PITPNM3: variants seen among roughly 807,000 people sequenced by gnomAD.
The protein encoded by PITPNM3 is PITPNM family member 3.
PITPNM3 carries 26 observed loss-of-function variants against 102.0 expected under a neutral mutation model. That is an observed-to-expected ratio of 0.25 (90% confidence interval 0.19 to 0.35). PITPNM3 has a LOEUF of 0.35. PITPNM3 is among the 10% of genes least tolerant of loss of function. The pLI is 1.00. For missense variants in PITPNM3, 1,083 were observed against 1,346.1 expected, an observed-to-expected ratio of 0.80 and a Z score of 3.06; for synonymous variants, 578 against 558.6, an observed-to-expected ratio of 1.03 and a Z score of -0.49.
At chr17:6,464,591 G>C (rs1206665408) in intron 15 of PITPNM3, 64 bp downstream of exon 15, 3 of 1,489,870 alleles carry the variant, frequency 2.0e-6, no homozygotes, top group Non-Finnish European at 2.8e-6. Context: ...CACACGCTAT[G>C]TGGCTCCATG....
At position 6,468,104 on chromosome 17, in the gene PITPNM3, G is replaced by A; in HGVS notation, c.1890+121C>T. 2.1e-6 allele frequency: 2 copies of A among 944,586 alleles called. No individual in the cohort carries two copies. Among genetic ancestry groups the A allele is most frequent in the East Asian group, 2.4e-5 (1 of 41,682 alleles). The allele number at this position is 944,586 out of a possible 1,614,324, so 58.5% of individuals were successfully genotyped here. On this transcript the variant is annotated intron_variant, in intron 14 of 19. Coordinates refer to ENST00000262483, the MANE Select transcript of PITPNM3 (RefSeq NM_031220.4). The surrounding 1 kb of genome is among the most constrained non-coding windows in gnomAD (Gnocchi z 5.2). ...TGAGTGTGAGCCCCAGCCTGTTTGG[G>A]TGCTGAGCTCTGAGGACAAATTGAA...
chr17:6,556,250 C>T lies in PITPNM3; in HGVS notation c.22+135G>A. 2 of 649,606 alleles carry T rather than the reference C, an allele frequency of 3.1e-6. No individual in the cohort carries two copies. Among genetic ancestry groups the T allele is most frequent in the South Asian group, 3.3e-5 (1 of 30,254 alleles). 40.2% of individuals were successfully genotyped at this position (649,606 alleles called of 1,614,324 possible). ...TCTCCACGCGCGGGAGGTCCAGCCC[C>T]GCTACCGCCCCCTACGCCCTCCCGG... On this transcript the variant is annotated intron_variant, in intron 1 of 19. Coordinates refer to ENST00000262483, the MANE Select transcript of PITPNM3 (RefSeq NM_031220.4). The surrounding 1 kb of genome is among the most constrained non-coding windows in gnomAD (Gnocchi z 5.2).
At chr17:6,522,082 C>CT (rs1908560208) in intron 3 of PITPNM3, among the ~76,000 whole-genome samples, 1 of 152,152 alleles carries the variant, frequency 6.6e-6, no homozygotes, top group Non-Finnish European at 1.5e-5. Context: ...AATGGAAACT[C>CT]TAAACTATAA....
At chr17:6,513,207 T>A (rs938094878) in intron 3 of PITPNM3, among the ~76,000 whole-genome samples, 1 of 152,154 alleles carries the variant, frequency 6.6e-6, no homozygotes, top group African/African-American at 2.4e-5. Context: ...TCATATTTAA[T>A]GGTAAAAGAC....
At chr17:6,534,800 G>A (rs551170749) in intron 2 of PITPNM3, among the ~76,000 whole-genome samples, 14 of 152,258 alleles carry the variant, frequency 9.2e-5, no homozygotes, top group Admixed American at 2.6e-4. Flanking sequence ...CAGGGGTGGG[G>A]GATCACGACG....
intron 17 of PITPNM3, 138 bp downstream of exon 17, chr17:6,463,594 A>G: frequency 1.6e-6 from 2 of 1,264,496 alleles, no homozygotes; most frequent in Non-Finnish European, 2.2e-6. Context: ...TGTTGGAGGT[A>G]AAGCCAGGGC....
At chr17:6,473,396 C>T (rs377230816) in intron 10 of PITPNM3, among the ~76,000 whole-genome samples, 2 of 152,266 alleles carry the variant, frequency 1.3e-5, no homozygotes, top group South Asian at 2.1e-4. Flanking sequence ...GGGACTGGAC[C>T]GTCCAGCATC....
intron 4 of PITPNM3, among the ~76,000 whole-genome samples, chr17:6,502,775 A>G (rs1354982131): frequency 6.6e-6 from 1 of 152,234 alleles, no homozygotes; most frequent in African/African-American, 2.4e-5. Flanking sequence ...TACTGCCAAC[A>G]GCAAAGACAT....
intron 14 of PITPNM3, among the ~76,000 whole-genome samples, chr17:6,466,425 C>A (rs374195114): frequency 3.9e-4 from 60 of 152,326 alleles, no homozygotes; most frequent in Middle Eastern, 6.8e-3. Context: ...GTAGGGAACG[C>A]AGGCCCCCTT....
intron 1 of PITPNM3, among the ~76,000 whole-genome samples, chr17:6,555,507 C>T: frequency 6.6e-6 from 1 of 152,196 alleles, no homozygotes; most frequent in Non-Finnish European, 1.5e-5. Flanking sequence ...AGGCTTGCTG[C>T]CGCCTACTGT....
chr17:6,475,505 G>A (rs116873485), intron 9 of PITPNM3, among the ~76,000 whole-genome samples: 1 of 152,296 alleles, frequency 6.6e-6, no homozygotes, highest in Non-Finnish European at 1.5e-5. Context: ...GTGGACAAGT[G>A]CCCCACCCTC....
rs751109775 is a variant in PITPNM3, at chr17:6,471,168, G to C, written c.1617C>G (p.Ala539=). 1.4e-5 allele frequency: 22 copies of C among 1,612,168 alleles called. No individual in the cohort carries two copies. Among genetic ancestry groups the C allele is most frequent in the Non-Finnish European group, 1.8e-5 (21 of 1,179,990 alleles). ...CAAAAGGACCTCACTCACTGCGGGA[G>C]GCACCCACGGGTGCCATGCTGTCCG... is the stretch of plus-strand genomic sequence containing the variant. ...ESSDSMAPVG[A]SRITAKWWGS... is the part of the protein sequence containing the mutation. Residue 539 remains alanine (A), a synonymous_variant, in exon 12 of 20, where the codon GCC becomes GCG. Transcript: ENST00000262483.
At chr17:6,493,432 G>A (rs891599371) in intron 4 of PITPNM3, among the ~76,000 whole-genome samples, 5 of 152,234 alleles carry the variant, frequency 3.3e-5, no homozygotes, top group Admixed American at 6.5e-5. Context: ...GACAAATAAG[G>A]GTTGGGGTGG....
chr17:6,515,113 G>A (rs1908079664), intron 3 of PITPNM3, among the ~76,000 whole-genome samples: 1 of 152,050 alleles, frequency 6.6e-6, no homozygotes, highest in Non-Finnish European at 1.5e-5. Context: ...AAATGTTCTT[G>A]GGCCGGGCAT....
chr17:6,478,038 A>G lies in PITPNM3; in HGVS notation c.837T>C (p.Ser279=), dbSNP rs1215001442. ...CAGGGCTGTCCCCTGAGGGCCCCGC[A>G]CTGTAGCAGATGGCATCGAAGGCCA... ...GLLAFDAICY[S]AGPSGDSPAS... The change falls in exon 8 of 20, where the codon AGT becomes AGC. Residue 279 remains serine, a synonymous_variant. Coordinates refer to ENST00000262483, the MANE Select transcript of PITPNM3 (RefSeq NM_031220.4). This position sits in a 1 kb window ranked among gnomAD's most constrained non-coding sequence, Gnocchi z 4.4. 1.2e-6 allele frequency: 2 copies of G among 1,613,512 alleles called. No individual in the cohort carries two copies. Among genetic ancestry groups the G allele is most frequent in the African/African-American group, 2.7e-5 (2 of 74,906 alleles).
At chr17:6,463,583 C>T (rs1904603981) in intron 17 of PITPNM3, 149 bp downstream of exon 17, 4 of 1,144,154 alleles carry the variant, frequency 3.5e-6, no homozygotes, top group Non-Finnish European at 4.9e-6. Context: ...CAATAAATTA[C>T]TGTTGGAGGT....
intron 4 of PITPNM3, among the ~76,000 whole-genome samples, chr17:6,501,228 T>C (rs1221861634): frequency 6.6e-6 from 1 of 152,158 alleles, no homozygotes; most frequent in African/African-American, 2.4e-5. Flanking sequence ...GATTGGTTCT[T>C]TTCCTCTTCT....
rs933395828 is a variant in PITPNM3 at position 6,506,906 on chromosome 17, G to T, written c.227-3332C>A. 2.0e-5 allele frequency among the ~76,000 whole-genome samples: 3 copies of T among 152,232 alleles called. No homozygotes were observed. In the East Asian group the frequency reaches 5.8e-4, roughly 29 times the overall value. ...CCACAGGCCTGCTGGCCCCATCCAG[G>T]GTAGACAAGAGTATTGCAACCTCCA... On this transcript the variant is annotated intron_variant, in intron 3 of 19. Coordinates refer to ENST00000262483, the MANE Select transcript of PITPNM3 (RefSeq NM_031220.4).
In PITPNM3 at chr17:6,483,739, T is replaced by C; in HGVS notation, c.365A>G (p.Gln122Arg). The stretch of plus-strand genomic sequence containing the variant: ...GAGGACATGTGTCTTGCAGGAGCGC[T>C]GCGGGCAGCCTTCCTGAGAGCCAAG... ...IHEDSEEGCP[Q>R]RSCKTHVLLL... Residue 122 changes from glutamine to arginine, a missense_variant, in exon 6 of 20, where the codon CAG becomes CGG. This residue lies in a region of PITPNM3 where 290 missense variants were observed against 337.8 expected (regional missense o/e 0.86). Transcript: ENST00000262483. 4 of 1,612,796 alleles carry C rather than the reference T, an allele frequency of 2.5e-6. No individual in the cohort carries two copies. Among genetic ancestry groups the C allele is most frequent in the Non-Finnish European group, 3.4e-6 (4 of 1,180,000 alleles).
Sources: allele counts gnomAD v4.1 joint callset (sites outside exome capture counted in the v4.1 genomes callset), GRCh38; gene constraint gnomAD v4.1.1; regional missense constraint gnomAD v4.1.1; non-coding constraint Gnocchi (gnomAD v3.1); transcripts MANE v1.5; gene names NCBI Gene and HGNC (gene_info 2026-07-23, HGNC 2026-07-21).